The following HTRA1 variants were observed in gnomAD, a reference collection of about 807,000 sequenced individuals.
HTRA1 encodes the protein HtrA serine peptidase 1.
In HTRA1, 26 loss-of-function variants were observed where a neutral mutation model predicts 49.7. The ratio of observed to expected loss-of-function variants is 0.52; its 90% confidence interval spans 0.38 to 0.73. The LOEUF is 0.73. Ranked by LOEUF, HTRA1 falls within the 30% of genes least tolerant of loss-of-function variation. The pLI, the probability that HTRA1 is intolerant of heterozygous loss-of-function variation, is 0.00. For missense variants in HTRA1, 561 were observed against 667.2 expected, an observed-to-expected ratio of 0.84 and a Z score of 1.75; for synonymous variants, 291 against 286.9, an observed-to-expected ratio of 1.01 and a Z score of -0.14.
chr10:122,469,137 G>C (rs2097485056), intron 1 of HTRA1, among the ~76,000 whole-genome samples: 1 of 152,126 alleles, frequency 6.6e-6, no homozygotes. Context: ...ATGAGTCAGA[G>C]GCTTGTGCAA....
chr10:122,470,230 A>G (rs546290915), intron 1 of HTRA1, among the ~76,000 whole-genome samples: 2 of 152,234 alleles, frequency 1.3e-5, no homozygotes, highest in Non-Finnish European at 2.9e-5. Flanking sequence ...ATGAACCACT[A>G]GAGTTAGAAA....
chr10:122,491,538 C>T (rs189371062), intron 3 of HTRA1, among the ~76,000 whole-genome samples: 96 of 152,366 alleles, frequency 6.3e-4, no homozygotes, highest in African/African-American at 1.9e-3. Flanking sequence ...GACGCCGCCC[C>T]CACTGCGTAA....
chr10:122,488,011 C>T (rs924086561), intron 1 of HTRA1, among the ~76,000 whole-genome samples: 5 of 152,080 alleles, frequency 3.3e-5, no homozygotes, highest in African/African-American at 9.7e-5. Context: ...AGGGTTGGAA[C>T]GTGTGGTTAA....
intron 3 of HTRA1, among the ~76,000 whole-genome samples, chr10:122,505,162 T>G (rs1270725819): frequency 6.6e-6 from 1 of 152,160 alleles, no homozygotes; most frequent in African/African-American, 2.4e-5. Flanking sequence ...ATTTTCCAGA[T>G]GAGAAAACTG....
chr10:122,464,978 T>C lies in HTRA1; in HGVS notation c.472+2854T>C, dbSNP rs894976034. ...GCGATTTCAAATATTATAAGGTGGCTTTGTCTGGGGCAGAGCATGCCAGGG... is the reference window on the plus strand; with the variant it reads ...GCGATTTCAAATATTATAAGGTGGCCTTGTCTGGGGCAGAGCATGCCAGGG... On this transcript the variant is annotated intron_variant, in intron 1 of 8. Coordinates refer to ENST00000368984, the MANE Select transcript of HTRA1 (RefSeq NM_002775.5). The surrounding 1 kb of genome is among the most constrained non-coding windows in gnomAD (Gnocchi z 4.8). 3.9e-5 allele frequency among the ~76,000 whole-genome samples: 6 copies of C among 152,110 alleles called. No homozygotes were observed. The highest frequency in any genetic ancestry group is 4.4e-5 in the Non-Finnish European group (3 of 68,020).
intron 3 of HTRA1, among the ~76,000 whole-genome samples, chr10:122,498,944 A>AT (rs1210432448): frequency 6.6e-6 from 1 of 151,894 alleles, no homozygotes. Context: ...CCCTGTCTCT[A>AT]TGCAGGGGTC....
intron 3 of HTRA1, among the ~76,000 whole-genome samples, chr10:122,495,887 T>A (rs2097498366): frequency 6.6e-6 from 1 of 152,346 alleles, no homozygotes; most frequent in Non-Finnish European, 1.5e-5. Context: ...AGTCCAAAGC[T>A]GGCCCTCTGT....
intron 3 of HTRA1, among the ~76,000 whole-genome samples, chr10:122,505,410 G>T (rs2097502621): frequency 6.6e-6 from 1 of 152,160 alleles, no homozygotes; most frequent in Non-Finnish European, 1.5e-5. Context: ...TGTGTTGGGG[G>T]ATATTTGTGG....
chr10:122,489,409 C>T lies in HTRA1; in HGVS notation c.573-13C>T, dbSNP rs749615026. 6.2e-6 allele frequency: 10 copies of T among 1,613,588 alleles called. No homozygotes were observed. The highest frequency in any genetic ancestry group is 7.6e-6 in the Non-Finnish European group (9 of 1,179,602). ...GTGCTACAGGCTTAAGTGTGTACTC[C>T]TTTGGATTTTAGGCTTCCGTTTTCT... is the stretch of plus-strand genomic sequence containing the variant. On this transcript the variant is annotated splice_polypyrimidine_tract_variant and intron_variant, in intron 2 of 8. Coordinates refer to ENST00000368984, the MANE Select transcript of HTRA1 (RefSeq NM_002775.5).
intron 1 of HTRA1, among the ~76,000 whole-genome samples, chr10:122,466,332 A>AT (rs1169980258): frequency 2.0e-5 from 3 of 151,932 alleles, no homozygotes; most frequent in Non-Finnish European, 2.9e-5. Context: ...CGCCCAGCTA[A>AT]TTTTTTTGTA....
chr10:122,482,464 G>A (rs983791414), intron 1 of HTRA1, among the ~76,000 whole-genome samples: 3 of 152,038 alleles, frequency 2.0e-5, no homozygotes, highest in African/African-American at 4.8e-5. Context: ...CTGAAATATC[G>A]ATGAATTTTC....
At position 122,461,578 on chromosome 10, in the gene HTRA1, C is replaced by A. The variant is rs1336713307; in HGVS notation, c.-75C>A. ...ACTCGCACCCGCTGCCCCCGAGGCC[C>A]TCCTGCACTCTCCCCGGCGCCGCTC... On this transcript the variant is annotated 5_prime_UTR_variant, in exon 1 of 9. Coordinates refer to ENST00000368984, the MANE Select transcript of HTRA1 (RefSeq NM_002775.5). The A allele has an allele frequency of 1.1e-6, 1 of 947,772 alleles. No homozygotes were observed. Among genetic ancestry groups the A allele is most frequent in the South Asian group, 1.6e-5 (1 of 64,422 alleles). The allele number at this position is 947,772 out of a possible 1,614,324, so 58.7% of individuals were successfully genotyped here. A position where few individuals can be genotyped will look rare whatever the true frequency, so the allele number is the denominator to read the frequency against.
chr10:122,480,892 G>C (rs2097490698), intron 1 of HTRA1, among the ~76,000 whole-genome samples: 3 of 151,996 alleles, frequency 2.0e-5, no homozygotes. Context: ...TGCCCAAAAT[G>C]ACAAACTTCA....
chr10:122,512,135 C>A lies in HTRA1; in HGVS notation c.1274+70C>A. 5 of 1,106,444 alleles carry A rather than the reference C, an allele frequency of 4.5e-6. No individual in the cohort carries two copies. The South Asian group carries it at 4.9e-5, about 11-fold the overall frequency. 68.5% of individuals were successfully genotyped at this position (1,106,444 alleles called of 1,614,324 possible). On this transcript the variant is annotated intron_variant, in intron 8 of 8. Coordinates refer to ENST00000368984, the MANE Select transcript of HTRA1 (RefSeq NM_002775.5). ...CTGTGGGGGTAGCAGGAAGAGGGAG[C>A]GCTGTTCCTTTTCTACTGGCTCAGA...
At chr10:122,503,278 G>A (rs556584376) in intron 3 of HTRA1, among the ~76,000 whole-genome samples, 6 of 152,246 alleles carry the variant, frequency 3.9e-5, no homozygotes, top group Admixed American at 1.3e-4. Flanking sequence ...TGTCTAGACA[G>A]CTATGGAATT....
chr10:122,476,001 T>C (rs2133913410), intron 1 of HTRA1, among the ~76,000 whole-genome samples: 1 of 152,312 alleles, frequency 6.6e-6, no homozygotes, highest in Middle Eastern at 3.4e-3. Context: ...GTGGGGCAGC[T>C]TTGCTGCATT....
Position 122,487,566 on chromosome 10 carries a change from C to T in HTRA1, c.473-1336C>T, listed in dbSNP as rs1012727703. ...GCTTTGTTGAAAGTAGCTTTGGAAA[C>T]GCCCACCACGTGGGGCCACTCACTG... On this transcript the variant is annotated intron_variant, in intron 1 of 8. Transcript: ENST00000368984. The surrounding 1 kb of genome is among the most constrained non-coding windows in gnomAD (Gnocchi z 4.8). Among the ~76,000 whole-genome samples the T allele has an allele frequency of 3.3e-5, 5 of 152,194 alleles. No homozygotes were observed. Among genetic ancestry groups the T allele is most frequent in the African/African-American group, 7.2e-5 (3 of 41,444 alleles).
chr10:122,496,225 G>GTTTTTTTT (rs1287521208), intron 3 of HTRA1, among the ~76,000 whole-genome samples: 1,958 of 80,378 alleles, frequency 0.024, 764 homozygotes, highest in Middle Eastern at 0.049. Flanking sequence ...GAGATTGTGG[G>GTTTTTTTT]TTCTTTTTTT....
At position 122,461,832 on chromosome 10, in the gene HTRA1, C is replaced by T. The variant is rs1259285601; in HGVS notation, c.180C>T (p.Asp60=). The T allele has an allele frequency of 4.4e-6, 5 of 1,124,668 alleles. No individual in the cohort carries two copies. The Admixed American group carries it at 1.5e-4, about 34-fold the overall frequency. 69.7% of individuals were successfully genotyped at this position (1,124,668 alleles called of 1,614,324 possible). Residue 60 remains aspartate, a synonymous_variant, in exon 1 of 9, where the codon GAC becomes GAT. Coordinates refer to ENST00000368984, the MANE Select transcript of HTRA1 (RefSeq NM_002775.5). ...ACTGCGAGGGCGGCCGGGCCCGGGA[C>T]GCGTGCGGCTGCTGCGAGGTGTGCG... ...PEHCEGGRAR[D]ACGCCEVCGA...
Sources: allele counts gnomAD v4.1 joint callset (sites outside exome capture counted in the v4.1 genomes callset), GRCh38; gene constraint gnomAD v4.1.1; non-coding constraint Gnocchi (gnomAD v3.1); transcripts MANE v1.5; gene names NCBI Gene and HGNC (gene_info 2026-07-23, HGNC 2026-07-21).